NEBL: variants seen among roughly 807,000 people sequenced by gnomAD.
NEBL encodes the protein LIM and SH3 protein 2.
A neutral mutation model predicts 140.2 loss-of-function variants in NEBL; 122 were observed. The observed-to-expected ratio is 0.87, with a 90% CI of 0.75 to 1.01. NEBL has a LOEUF of 1.01. Ranked by LOEUF, NEBL falls within the 50% of genes least tolerant of loss-of-function variation. The probability of loss-of-function intolerance (pLI) is 0.00; values close to 1 mark genes in which losing one functional copy is unlikely to be tolerated. For missense variants in NEBL, 1,365 were observed against 1,231.3 expected (o/e 1.11, Z -1.62); for synonymous variants, 436 against 398.9 (o/e 1.09, Z -1.11).
chr10:21,040,168 C>A (rs904582205), intron 2 of NEBL, among the ~76,000 whole-genome samples: 1 of 152,030 alleles, frequency 6.6e-6, no homozygotes, highest in East Asian at 1.9e-4. Flanking sequence ...GAGATTGAGA[C>A]CATCCTGGCC....
In NEBL at chr10:20,835,589, T is replaced by C. The variant is rs1323321385; in HGVS notation, c.1373A>G (p.Lys458Arg). 1 of 1,612,148 alleles carries C rather than the reference T, an allele frequency of 6.2e-7. No individual in the cohort carries two copies. Among genetic ancestry groups the C allele is most frequent in the Non-Finnish European group, 8.5e-7 (1 of 1,179,520 alleles). Residue 458 changes from lysine (K) to arginine (R), a missense_variant, in exon 14 of 28, where the codon AAA (lysine) becomes AGA (arginine). Physicochemically the swap from Lys to Arg is conservative, Grantham distance 26. Around this residue, in one of 2 missense-constraint regions of NEBL, gnomAD observed 1,323 missense variants for 1,154.8 expected, o/e 1.15. Coordinates refer to ENST00000377122, the MANE Select transcript of NEBL (RefSeq NM_006393.3). ...AGTGCCAGCTTGCATTCCTTTCCCT[T>C]TAATTATTGACTCCAGGTCTTTCTT... ...EYKKDLESII[K>R]GKGMQAGTDT...
intron 4 of NEBL, among the ~76,000 whole-genome samples, chr10:20,933,345 A>G (rs555319924): frequency 1.6e-4 from 25 of 152,184 alleles, no homozygotes; most frequent in Non-Finnish European, 3.5e-4. Flanking sequence ...CTCCAAAGTT[A>G]TTTTCAGAAA....
chr10:21,006,258 G>A (rs12256471), intron 3 of NEBL, among the ~76,000 whole-genome samples: 4,994 of 152,112 alleles, frequency 0.033, 269 homozygotes, highest in African/African-American at 0.11. Context: ...TTGTACTTAC[G>A]CTTTCTATGC....
At chr10:21,072,672 A>G (rs1835873208) in intron 2 of NEBL, among the ~76,000 whole-genome samples, 1 of 152,210 alleles carries the variant, frequency 6.6e-6, no homozygotes, top group African/African-American at 2.4e-5. Flanking sequence ...GGTCATCTCT[A>G]TTCAAGTGAC....
chr10:21,163,685 A>AT (rs1244156436), intron 2 of NEBL, among the ~76,000 whole-genome samples: 17 of 152,162 alleles, frequency 1.1e-4, no homozygotes, highest in Admixed American at 1.1e-3. Flanking sequence ...CTAATCAAAG[A>AT]TTTTTATCCA....
At chr10:20,981,294 C>G (rs984755676) in intron 3 of NEBL, among the ~76,000 whole-genome samples, 1 of 149,120 alleles carries the variant, frequency 6.7e-6, no homozygotes, top group African/African-American at 2.5e-5. Context: ...AACACTAATA[C>G]AGGCCAGAAA....
intron 2 of NEBL, among the ~76,000 whole-genome samples, chr10:21,140,441 G>A (rs1025077563): frequency 1.3e-5 from 2 of 152,152 alleles, no homozygotes; most frequent in African/African-American, 4.8e-5. Flanking sequence ...TTAAAAAGAA[G>A]ATTAGACATA....
intron 2 of NEBL, among the ~76,000 whole-genome samples, chr10:20,895,216 A>T (rs1198133096): frequency 6.6e-6 from 1 of 152,220 alleles, no homozygotes; most frequent in Non-Finnish European, 1.5e-5. Context: ...TGGTTTATGT[A>T]ACACAAGTTA....
At chr10:20,815,380 A>G (rs539990604) in intron 22 of NEBL, among the ~76,000 whole-genome samples, 3 of 152,360 alleles carry the variant, frequency 2.0e-5, no homozygotes, top group Admixed American at 2.0e-4. Context: ...TTAAATGAAT[A>G]TAATTTTAAC....
At chr10:21,248,008 AT>A (rs1316767387) in intron 2 of NEBL, 31 of 225,868 alleles carry the variant, frequency 1.4e-4, no homozygotes, top group Middle Eastern at 5.3e-4. Flanking sequence ...GGAAATTATG[AT>A]TAAAAAAAAA....
chr10:21,174,852 A>G (rs1002837300), upstream of NEBL: 1 of 152,238 alleles, frequency 6.6e-6, no homozygotes, highest in African/African-American at 2.4e-5. Context: ...GTCCTTGCAG[A>G]GCGACTGGTC....
At position 20,926,053 on chromosome 10, in the gene NEBL, T is replaced by C. The variant is rs144638436; in HGVS notation, c.357+35619A>G. On this transcript the variant is annotated intron_variant, in intron 4 of 6. Coordinates refer to the NEBL transcript ENST00000417816. Reference sequence around the variant, plus strand: ...AAAGAGCAGAAAAGAACATTTTGTTTAACTAAACTCTCCATTATGCCTCTT... The same window carrying C: ...AAAGAGCAGAAAAGAACATTTTGTTCAACTAAACTCTCCATTATGCCTCTT... Among the ~76,000 whole-genome samples, 5 of 152,312 alleles carry C rather than the reference T, an allele frequency of 3.3e-5. No homozygotes were observed. The East Asian group carries it at 9.7e-4, about 29-fold the overall frequency.
intron 13 of NEBL, 144 bp downstream of exon 13, chr10:20,840,595 T>C (rs1338784210): frequency 4.6e-6 from 3 of 647,050 alleles, no homozygotes; most frequent in Non-Finnish European, 2.7e-6. Context: ...AAATTAATAG[T>C]CCAAGAAAAG....
intron 3 of NEBL, among the ~76,000 whole-genome samples, chr10:21,215,643 G>GT (rs1056526872): frequency 2.0e-5 from 3 of 151,812 alleles, no homozygotes; most frequent in Non-Finnish European, 2.9e-5. Flanking sequence ...CCACAGACTA[G>GT]TTTTTTTTGT....
chr10:21,252,112 T>C (rs1204787216), intron 1 of NEBL, among the ~76,000 whole-genome samples: 3 of 152,184 alleles, frequency 2.0e-5, no homozygotes, highest in Non-Finnish European at 4.4e-5. Flanking sequence ...CTCATAGCCT[T>C]GGCTTATAGA....
chr10:20,833,052 A>C (rs1840566406), intron 14 of NEBL, among the ~76,000 whole-genome samples: 1 of 152,212 alleles, frequency 6.6e-6, no homozygotes, highest in Non-Finnish European at 1.5e-5. Flanking sequence ...AGGATGTAAC[A>C]ATTTTTTAAT....
At chr10:21,264,192 C>T (rs919163354) in intron 1 of NEBL, among the ~76,000 whole-genome samples, 1 of 152,162 alleles carries the variant, frequency 6.6e-6, no homozygotes, top group African/African-American at 2.4e-5. Flanking sequence ...ACACTGTGTC[C>T]CCAGTTGGGA....
chr10:21,013,936 A>G (rs1838455120), intron 3 of NEBL, among the ~76,000 whole-genome samples: 1 of 152,030 alleles, frequency 6.6e-6, no homozygotes, highest in Non-Finnish European at 1.5e-5. Flanking sequence ...GGGAAAATGG[A>G]TATATATTTG....
intron 4 of NEBL, among the ~76,000 whole-genome samples, chr10:20,941,219 T>G (rs533581256): frequency 6.6e-6 from 1 of 152,120 alleles, no homozygotes; most frequent in Admixed American, 6.5e-5. Context: ...CCAGCAGCAC[T>G]TCAAAAAGCT....
Sources: gnomAD v4.1 joint callset for allele counts (sites outside exome capture counted in the v4.1 genomes callset) on GRCh38, gnomAD v4.1.1 for gene constraint, gnomAD v4.1.1 regional missense constraint, MANE v1.5 for transcripts, NCBI Gene and HGNC (gene_info 2026-07-23, HGNC 2026-07-21) for gene names.